The following RANBP17 variants were observed in gnomAD, a reference collection of about 807,000 sequenced individuals.
The protein encoded by RANBP17 is ran-binding protein 17.
RANBP17 carries 158 observed loss-of-function variants against 141.2 expected under a neutral mutation model. The ratio of observed to expected loss-of-function variants is 1.12; its 90% confidence interval spans 0.98 to 1.28. The LOEUF (loss-of-function observed/expected upper bound fraction) is 1.28, where lower values mean the gene tolerates loss of function less well. Ranked by LOEUF, RANBP17 falls within the 50% of genes most tolerant of loss-of-function variation. RANBP17 has a pLI of 0.00. For synonymous variants in RANBP17, 430 were observed against 450.0 expected (o/e 0.96, Z 0.56); for missense variants, 1,438 against 1,290.7 (o/e 1.11, Z -1.75).
At chr5:171,004,674 C>G (rs1316965612) in intron 14 of RANBP17, among the ~76,000 whole-genome samples, 2 of 152,118 alleles carry the variant, frequency 1.3e-5, no homozygotes, top group African/African-American at 4.8e-5. Flanking sequence ...CCAAGGAGAT[C>G]TGGGAAGGAG....
chr5:171,239,856 G>A (rs940080355), intron 22 of RANBP17, among the ~76,000 whole-genome samples: 2 of 152,082 alleles, frequency 1.3e-5, no homozygotes, highest in African/African-American at 2.4e-5. Flanking sequence ...AAGTGAAACC[G>A]AGCAGCATTT....
chr5:171,079,538 A>G lies in RANBP17; in HGVS notation c.1711-90592A>G, dbSNP rs117573428. Among the ~76,000 whole-genome samples, 335 of 152,296 alleles carry G rather than the reference A, an allele frequency of 2.2e-3. 9 individuals carry two copies. The East Asian group carries it at 0.057, about 26-fold the overall frequency. On this transcript the variant is annotated intron_variant, in intron 14 of 27. Transcript: ENST00000523189. ...AAGTCAATCAGTGCAGCAAATTTCA[A>G]TGTTGTTTTATTTTAAGAAATTGCC...
At chr5:171,064,749 G>T (rs188954158) in intron 14 of RANBP17, among the ~76,000 whole-genome samples, 2 of 151,458 alleles carry the variant, frequency 1.3e-5, no homozygotes, top group Non-Finnish European at 2.9e-5. Context: ...TCGAACTCTT[G>T]AGCTCACATG....
intron 4 of RANBP17, among the ~76,000 whole-genome samples, chr5:170,893,792 CA>C (rs774620605): frequency 0.088 from 9,098 of 103,158 alleles, 851 homozygotes; most frequent in African/African-American, 0.27. Context: ...GACTCCGTCT[CA>C]AAAAAAAAAA....
chr5:170,951,831 T>C (rs897379153), intron 12 of RANBP17, among the ~76,000 whole-genome samples: 15 of 151,552 alleles, frequency 9.9e-5, no homozygotes, highest in Non-Finnish European at 1.8e-4. Context: ...TTTGTAGATA[T>C]TGAAATCACT....
chr5:171,065,307 G>T (rs192613440), intron 14 of RANBP17, among the ~76,000 whole-genome samples: 1 of 152,108 alleles, frequency 6.6e-6, no homozygotes, highest in Admixed American at 6.5e-5. Context: ...TGGGGGGGTG[G>T]GGTGAAGGGG....
Position 170,968,621 on chromosome 5 carries a change from G to A in RANBP17, c.1710+244G>A, listed in dbSNP as rs1202304946. 7.2e-6 allele frequency: 4 copies of A among 554,460 alleles called. No homozygotes were observed. The East Asian group carries it at 1.6e-4, about 22-fold the overall frequency. The allele number at this position is 554,460 out of a possible 1,614,324, so 34.3% of individuals were successfully genotyped here. On this transcript the variant is annotated intron_variant, in intron 14 of 27. Coordinates refer to ENST00000523189, the MANE Select transcript of RANBP17 (RefSeq NM_022897.5). ...GTTTTACATGGATGGTCATTAAACA[G>A]TTGAGATTATTTTAAACACTAATCA...
At chr5:170,883,189 T>C (rs529683285) in intron 3 of RANBP17, among the ~76,000 whole-genome samples, 22 of 152,348 alleles carry the variant, frequency 1.4e-4, no homozygotes, top group Middle Eastern at 3.4e-3. Flanking sequence ...AGTTTACAGT[T>C]TTAAAAATAA....
rs548659148 is a variant in RANBP17, at chr5:170,956,589, T to TA, written c.1574+2888dup. Among the ~76,000 whole-genome samples the TA allele has an allele frequency of 3.3e-3, 495 of 151,958 alleles. 2 individuals carry two copies. The highest frequency in any genetic ancestry group is 0.011 in the African/African-American group (464 of 41,526). ...ACTCAATCTCTCGAGTAGCTGGGAT[T>TA]ATAGGCATATGCCACCACGCCTGGC... On this transcript the variant is annotated intron_variant, in intron 13 of 27. Coordinates refer to ENST00000523189, the MANE Select transcript of RANBP17 (RefSeq NM_022897.5).
At chr5:170,986,768 A>C (rs1254677807) in intron 14 of RANBP17, among the ~76,000 whole-genome samples, 1 of 151,906 alleles carries the variant, frequency 6.6e-6, no homozygotes, top group Non-Finnish European at 1.5e-5. Flanking sequence ...TGTTGAGTAC[A>C]CATATGAAGC....
intron 25 of RANBP17, among the ~76,000 whole-genome samples, chr5:171,288,978 G>A (rs1394379368): frequency 6.6e-6 from 1 of 152,200 alleles, no homozygotes; most frequent in African/African-American, 2.4e-5. Context: ...ACCATTTTAA[G>A]TTTTAGTCAT....
At chr5:171,190,662 A>G (rs962181561) in intron 18 of RANBP17, among the ~76,000 whole-genome samples, 7 of 152,206 alleles carry the variant, frequency 4.6e-5, no homozygotes, top group African/African-American at 1.4e-4. Context: ...TACCCGAGCC[A>G]GTAAATGGAG....
At chr5:170,967,321 G>T (rs1249545052) in intron 13 of RANBP17, among the ~76,000 whole-genome samples, 2 of 152,100 alleles carry the variant, frequency 1.3e-5, no homozygotes, top group African/African-American at 4.8e-5. Flanking sequence ...GTTCATGTGT[G>T]CATATATGGA....
intron 25 of RANBP17, among the ~76,000 whole-genome samples, chr5:171,283,702 C>T (rs1303493361): frequency 1.3e-5 from 2 of 152,210 alleles, no homozygotes; most frequent in Admixed American, 6.5e-5. Context: ...TGTTCACGTG[C>T]ATATGTGAAC....
At chr5:171,268,064 G>A (rs1766845695) in intron 25 of RANBP17, among the ~76,000 whole-genome samples, 1 of 152,178 alleles carries the variant, frequency 6.6e-6, no homozygotes, top group Non-Finnish European at 1.5e-5. Flanking sequence ...GTTACAACAT[G>A]TTGGTAATAT....
At chr5:171,153,378 T>A (rs1380249718) in intron 14 of RANBP17, among the ~76,000 whole-genome samples, 1 of 152,220 alleles carries the variant, frequency 6.6e-6, no homozygotes, top group East Asian at 1.9e-4. Context: ...CTTTTTTTTG[T>A]TTCATTTATT....
chr5:170,900,429 GTCTA>G (rs1234117066), intron 5 of RANBP17, among the ~76,000 whole-genome samples: 4 of 152,094 alleles, frequency 2.6e-5, no homozygotes, highest in Middle Eastern at 3.4e-3. Flanking sequence ...CTGGCTAGTG[GTCTA>G]TCTGTTTTGT....
chr5:171,147,963 CAA>C (rs1438628557), intron 14 of RANBP17, among the ~76,000 whole-genome samples: 1 of 152,032 alleles, frequency 6.6e-6, no homozygotes, highest in African/African-American at 2.4e-5. Flanking sequence ...GAAAGGTGGG[CAA>C]AAGATTGAGA....
intron 24 of RANBP17, among the ~76,000 whole-genome samples, chr5:171,262,370 G>A (rs990366972): frequency 6.6e-6 from 1 of 152,194 alleles, no homozygotes; most frequent in Non-Finnish European, 1.5e-5. Flanking sequence ...CTACATCCCA[G>A]AGTTGTAAAA....
Sources: gnomAD v4.1 joint callset for allele counts (sites outside exome capture counted in the v4.1 genomes callset) on GRCh38, gnomAD v4.1.1 for gene constraint, MANE v1.5 for transcripts, NCBI Gene and HGNC (gene_info 2026-07-23, HGNC 2026-07-21) for gene names.